The following GSE1 variants were observed in gnomAD, a reference collection of about 807,000 sequenced individuals.
GSE1 encodes the protein genetic suppressor element 1.
In GSE1, 32 loss-of-function variants were observed where a neutral mutation model predicts 112.6. The observed-to-expected ratio is 0.28, with a 90% CI of 0.21 to 0.38. The LOEUF (loss-of-function observed/expected upper bound fraction) is 0.38, where lower values mean the gene tolerates loss of function less well. Ranked by LOEUF, GSE1 falls within the 10% of genes least tolerant of loss-of-function variation. The probability of loss-of-function intolerance (pLI) is 1.00; values close to 1 mark genes in which losing one functional copy is unlikely to be tolerated. For synonymous variants in GSE1, 1,115 were observed against 735.6 expected, an observed-to-expected ratio of 1.52 and a Z score of -8.35; for missense variants, 2,348 against 1,699.2, an observed-to-expected ratio of 1.38 and a Z score of -6.71.
intron 2 of GSE1, among the ~76,000 whole-genome samples, chr16:85,541,588 C>T (rs1233256568): frequency 1.3e-5 from 2 of 152,224 alleles, no homozygotes; most frequent in Non-Finnish European, 2.9e-5. Context: ...GGCAGGGCCA[C>T]GGGCACATCA....
At position 85,326,796 on chromosome 16, in the gene GSE1, G is replaced by A. The variant is rs574693386; in HGVS notation, c.2284-30667G>A. On this transcript the variant is annotated intron_variant, in intron 1 of 2. Transcript: ENST00000637419. ...GGTAGAAGCTGTGATCAGCAAGCACGTGTGGGCACCTAGAAGGTGCTAGAC... is the reference window on the plus strand; with the variant it reads ...GGTAGAAGCTGTGATCAGCAAGCACATGTGGGCACCTAGAAGGTGCTAGAC... Among the ~76,000 whole-genome samples the A allele has an allele frequency of 6.6e-5, 10 of 152,342 alleles. No homozygotes were observed. In the South Asian group the frequency reaches 8.3e-4, roughly 13 times the overall value.
intron 1 of GSE1, among the ~76,000 whole-genome samples, chr16:85,342,185 C>T (rs548433258): frequency 3.3e-5 from 5 of 152,114 alleles, no homozygotes; most frequent in African/African-American, 7.2e-5. Flanking sequence ...TCCATGATCC[C>T]GTGACAGAAA....
intron 1 of GSE1, among the ~76,000 whole-genome samples, chr16:85,264,144 C>CT (rs1907990384): frequency 6.6e-6 from 1 of 152,114 alleles, no homozygotes; most frequent in Non-Finnish European, 1.5e-5. Flanking sequence ...GGGGCACAAC[C>CT]TGTTGTGGGA....
intron 2 of GSE1, among the ~76,000 whole-genome samples, chr16:85,465,734 G>T (rs1189809200): frequency 6.6e-6 from 1 of 152,120 alleles, no homozygotes; most frequent in African/African-American, 2.4e-5. Flanking sequence ...TCATACATTT[G>T]TACCTATTTT....
At chr16:85,430,999 A>G (rs1007090524) in intron 2 of GSE1, among the ~76,000 whole-genome samples, 72 of 152,316 alleles carry the variant, frequency 4.7e-4, no homozygotes, top group African/African-American at 1.7e-3. Context: ...GCCCCGCCGC[A>G]AGGCCCTGGG....
intron 1 of GSE1, among the ~76,000 whole-genome samples, chr16:85,348,437 T>C (rs4467060): frequency 0.26 from 39,730 of 152,116 alleles, 5,489 homozygotes; most frequent in Middle Eastern, 0.32. Context: ...GAACATGACA[T>C]GGAGAGGCAT....
intron 13 of GSE1, among the ~76,000 whole-genome samples, chr16:85,667,103 C>T (rs1399415865): frequency 2.0e-5 from 3 of 152,246 alleles, no homozygotes; most frequent in South Asian, 4.1e-4. Flanking sequence ...GCCAGTTCTC[C>T]ATGACAGATA....
At chr16:85,503,987 C>T (rs1414181071) in intron 2 of GSE1, among the ~76,000 whole-genome samples, 5 of 152,198 alleles carry the variant, frequency 3.3e-5, no homozygotes, top group Admixed American at 1.3e-4. Flanking sequence ...TCAGGTGTGG[C>T]GGTGGTCACC....
Position 85,639,538 on chromosome 16 carries a change from A to G in GSE1, c.226+5406A>G, listed in dbSNP as rs921463232. Among the ~76,000 whole-genome samples, 38 of 152,160 alleles carry G rather than the reference A, an allele frequency of 2.5e-4. 1 individual carries two copies. Among genetic ancestry groups the G allele is most frequent in the Non-Finnish European group, 1.0e-4 (7 of 68,022 alleles). On this transcript the variant is annotated intron_variant, in intron 2 of 15. Transcript: ENST00000253458. ...CTTGCGGGTGTGTCGGGATCCCCCC[A>G]TCATCCCTTGTCCTTGGAGGTGCTT... is the stretch of plus-strand genomic sequence containing the variant.
chr16:85,630,680 A>G (rs1020097609), intron 1 of GSE1, among the ~76,000 whole-genome samples: 1 of 152,162 alleles, frequency 6.6e-6, no homozygotes, highest in African/African-American at 2.4e-5. Context: ...ACATGTGACC[A>G]TTCACGCCTT....
intron 2 of GSE1, among the ~76,000 whole-genome samples, chr16:85,382,550 G>A (rs2047571519): frequency 6.6e-6 from 1 of 152,194 alleles, no homozygotes; most frequent in Non-Finnish European, 1.5e-5. Context: ...CAGAGCCCTT[G>A]AAAGCAGGGG....
At position 85,672,570 on chromosome 16, in the gene GSE1, G is replaced by A. The variant is rs774484782; in HGVS notation, c.*31G>A. On this transcript the variant is annotated 3_prime_UTR_variant, in exon 16 of 16. Coordinates refer to ENST00000253458, the MANE Select transcript of GSE1 (RefSeq NM_014615.5). Reference sequence around the variant, plus strand: ...TCCCTTGCACTAGGCCGAACCTATAGTATAGAAATATTATCTATTTTATTA... The same window carrying A: ...TCCCTTGCACTAGGCCGAACCTATAATATAGAAATATTATCTATTTTATTA... 3 of 1,474,118 alleles carry A rather than the reference G, an allele frequency of 2.0e-6. No individual in the cohort carries two copies. The highest frequency in any genetic ancestry group is 2.8e-6 in the Non-Finnish European group (3 of 1,084,016). The allele number at this position is 1,474,118 out of a possible 1,614,324, so 91.3% of individuals were successfully genotyped here. A position where few individuals can be genotyped will look rare whatever the true frequency, so the allele number is the denominator to read the frequency against.
intron 1 of GSE1, among the ~76,000 whole-genome samples, chr16:85,340,621 A>G (rs1469498553): frequency 6.6e-6 from 1 of 152,246 alleles, no homozygotes; most frequent in Non-Finnish European, 1.5e-5. Context: ...AGCCTGGGCG[A>G]CAGAGCAAGA....
chr16:85,457,248 G>A (rs2049855132), intron 2 of GSE1, among the ~76,000 whole-genome samples: 1 of 152,216 alleles, frequency 6.6e-6, no homozygotes, highest in Admixed American at 6.5e-5. Context: ...TCTGGGCAAG[G>A]TCAGGAACCC....
At chr16:85,617,867 T>C (rs140746488) in intron 1 of GSE1, among the ~76,000 whole-genome samples, 1 of 152,188 alleles carries the variant, frequency 6.6e-6, no homozygotes, top group Non-Finnish European at 1.5e-5. Context: ...CGGAATTGGA[T>C]GGAGAACCCT....
rs554767442 is a variant in GSE1 at position 85,510,170 on chromosome 16, G to T, written c.2465-123744G>T. Reference sequence around the variant, plus strand: ...TCGGCTCTCCCATCATTAGGGGGCCGCTCAGCTGCTCAGAAAGAAAGTGCT... The same window carrying T: ...TCGGCTCTCCCATCATTAGGGGGCCTCTCAGCTGCTCAGAAAGAAAGTGCT... On this transcript the variant is annotated intron_variant, in intron 2 of 2. Transcript: ENST00000637419. Among the ~76,000 whole-genome samples the T allele has an allele frequency of 5.9e-5, 9 of 152,306 alleles. No homozygotes were observed. The South Asian group carries it at 1.9e-3, about 32-fold the overall frequency.
intron 5 of GSE1, among the ~76,000 whole-genome samples, 178 bp downstream of exon 5, chr16:85,655,169 G>T (rs1598619078): frequency 6.6e-6 from 1 of 152,148 alleles, no homozygotes; most frequent in Non-Finnish European, 1.5e-5. Context: ...GGCCCATTAG[G>T]GGTCCCCTCC....
rs990443182 is a variant in GSE1, at chr16:85,576,444, A to C, written c.37+20081A>C. Among the ~76,000 whole-genome samples the C allele has an allele frequency of 3.3e-5, 5 of 152,280 alleles. No individual in the cohort carries two copies. The East Asian group carries it at 5.8e-4, about 18-fold the overall frequency. ...GGAAGCCAAACGCTGCCCCTTCCAC[A>C]CTTTTGGAGCCTAGACGTCCTTATT... On this transcript the variant is annotated intron_variant, in intron 1 of 2. Coordinates refer to the GSE1 transcript ENST00000635906.
chr16:85,179,911 C>G (rs1267618569), intron 1 of GSE1, among the ~76,000 whole-genome samples: 1 of 152,212 alleles, frequency 6.6e-6, no homozygotes. Flanking sequence ...CTCAGTTTTC[C>G]CCTCTGGAAA....
Sources: allele counts gnomAD v4.1 joint callset (sites outside exome capture counted in the v4.1 genomes callset), GRCh38; gene constraint gnomAD v4.1.1; transcripts MANE v1.5; gene names NCBI Gene and HGNC (gene_info 2026-07-23, HGNC 2026-07-21).